The following MEI4 variants were observed in gnomAD, a reference collection of about 807,000 sequenced individuals.
MEI4 encodes the protein meiotic double-stranded break formation protein 4.
Under a neutral mutation model 31.4 loss-of-function variants are expected in MEI4, and 27 were observed. That is an observed-to-expected ratio of 0.86 (90% CI 0.63 to 1.19). The LOEUF is 1.19. MEI4 is among the 50% of genes most tolerant of loss of function. The pLI is 0.00. For synonymous variants in MEI4, 122 were observed against 145.4 expected, an observed-to-expected ratio of 0.84 and a Z score of 1.16; for missense variants, 329 against 398.9, an observed-to-expected ratio of 0.82 and a Z score of 1.49.
chr6:77,906,078 T>C lies in MEI4; in HGVS notation c.901-17011T>C, dbSNP rs201779245. 5.9e-5 allele frequency among the ~76,000 whole-genome samples: 9 copies of C among 152,302 alleles called. No individual in the cohort carries two copies. The East Asian group carries it at 1.7e-3, about 29-fold the overall frequency. ...TGTAAAATTTATCATTTTTTAATTG[T>C]TATCCCGATTTCAATAAACTAATTC... On this transcript the variant is annotated intron_variant, in intron 4 of 4. Transcript: ENST00000684080.
chr6:77,752,604 A>C (rs1358162909), intron 2 of MEI4, among the ~76,000 whole-genome samples: 2 of 152,232 alleles, frequency 1.3e-5, no homozygotes, highest in African/African-American at 4.8e-5. Context: ...TAAGGAAATA[A>C]GAGAAGACAC....
upstream of MEI4, among the ~76,000 whole-genome samples, chr6:77,650,838 A>T (rs1272007170): frequency 1.3e-5 from 2 of 152,174 alleles, no homozygotes; most frequent in African/African-American, 2.4e-5. Context: ...CCAGAGTCTG[A>T]GCATGTTCTA....
rs150076432 is a variant in MEI4, at chr6:77,711,751, C to T, written c.232+20848C>T. ...TTTTTTCTCTTGTAAAGGTAACTAG[C>T]AGAAGTAGACTGTTTCTTCTACTCT... On this transcript the variant is annotated intron_variant, in intron 2 of 4. Coordinates refer to ENST00000684080, the MANE Select transcript of MEI4 (RefSeq NM_001322247.2). 1.4e-3 allele frequency among the ~76,000 whole-genome samples: 211 copies of T among 152,232 alleles called. 1 individual carries two copies. Among genetic ancestry groups the T allele is most frequent in the African/African-American group, 4.5e-3 (185 of 41,542 alleles).
intron 3 of MEI4, among the ~76,000 whole-genome samples, chr6:77,783,503 T>C (rs1768648053): frequency 6.6e-6 from 1 of 152,202 alleles, no homozygotes; most frequent in South Asian, 2.1e-4. Flanking sequence ...ATGTATTTTT[T>C]TTCTTGGCTT....
intron 4 of MEI4, among the ~76,000 whole-genome samples, chr6:77,893,178 T>C (rs897049277): frequency 6.6e-6 from 1 of 152,150 alleles, no homozygotes; most frequent in Non-Finnish European, 1.5e-5. Context: ...TTTGATTATC[T>C]ACTGACTGTT....
intron 4 of MEI4, among the ~76,000 whole-genome samples, chr6:77,916,215 T>C (rs983159904): frequency 6.6e-6 from 1 of 152,076 alleles, no homozygotes; most frequent in Non-Finnish European, 1.5e-5. Flanking sequence ...CTGAGCTTTT[T>C]TTAAAATTGA....
rs188087127 is a variant in MEI4 at position 77,874,879 on chromosome 6, T to G, written c.900+45817T>G. ...TTGAGATAATCATGTGGTTTTTGTC[T>G]TTGGTTCTGTTTATATGCTGGATTA... On this transcript the variant is annotated intron_variant, in intron 4 of 4. Coordinates refer to ENST00000684080, the MANE Select transcript of MEI4 (RefSeq NM_001322247.2). 1.5e-3 allele frequency among the ~76,000 whole-genome samples: 221 copies of G among 152,206 alleles called. 1 individual carries two copies. The highest frequency in any genetic ancestry group is 4.4e-3 in the African/African-American group (184 of 41,566).
chr6:77,826,341 G>A (rs1769951264), intron 3 of MEI4, among the ~76,000 whole-genome samples: 1 of 152,098 alleles, frequency 6.6e-6, no homozygotes, highest in African/African-American at 2.4e-5. Flanking sequence ...TCTACACCCA[G>A]GGTCCCTCCT....
intron 2 of MEI4, among the ~76,000 whole-genome samples, chr6:77,754,085 C>T (rs1436297651): frequency 1.3e-5 from 2 of 151,886 alleles, no homozygotes; most frequent in Non-Finnish European, 2.9e-5. Context: ...GAACATCACA[C>T]ACCATGTCCT....
intron 2 of MEI4, among the ~76,000 whole-genome samples, chr6:77,734,951 T>C (rs1056722813): frequency 6.6e-6 from 1 of 152,014 alleles, no homozygotes; most frequent in African/African-American, 2.4e-5. Flanking sequence ...TTAAGAATGT[T>C]GAATATTGGC....
At chr6:77,907,661 G>A (rs1390374979) in intron 4 of MEI4, among the ~76,000 whole-genome samples, 1 of 152,100 alleles carries the variant, frequency 6.6e-6, no homozygotes, top group Non-Finnish European at 1.5e-5. Flanking sequence ...CCAGTAATGG[G>A]ATGGCTGGGT....
At chr6:77,740,974 A>G (rs1236844425) in intron 2 of MEI4, among the ~76,000 whole-genome samples, 2 of 152,174 alleles carry the variant, frequency 1.3e-5, no homozygotes, top group African/African-American at 4.8e-5. Flanking sequence ...TAATGAGTAC[A>G]GTAATATAAT....
chr6:77,674,433 A>G (rs1022654319), intron 1 of MEI4, among the ~76,000 whole-genome samples: 2 of 152,036 alleles, frequency 1.3e-5, no homozygotes, highest in African/African-American at 4.8e-5. Context: ...TTATAATACC[A>G]TATTTTTACT....
intron 1 of MEI4, among the ~76,000 whole-genome samples, chr6:77,690,391 A>T (rs1040820923): frequency 6.6e-6 from 1 of 152,006 alleles, no homozygotes; most frequent in Admixed American, 6.6e-5. Context: ...ATGAATTAAT[A>T]TGTGTTTTTT....
intron 1 of MEI4, among the ~76,000 whole-genome samples, chr6:77,670,074 T>C (rs1187639047): frequency 6.6e-6 from 1 of 152,198 alleles, no homozygotes; most frequent in African/African-American, 2.4e-5. Flanking sequence ...TTTAATACCT[T>C]CGCAAGACAG....
At position 77,868,332 on chromosome 6, in the gene MEI4, T is replaced by C. The variant is rs1283361877; in HGVS notation, c.900+39270T>C. On this transcript the variant is annotated intron_variant, in intron 4 of 4. Coordinates refer to ENST00000684080, the MANE Select transcript of MEI4 (RefSeq NM_001322247.2). ...GCAAATCTTATACTGATTTTATCAG[T>C]TTCACTCAATGAAAAATTATGCAAG... 4.6e-5 allele frequency among the ~76,000 whole-genome samples: 7 copies of C among 151,222 alleles called. No individual in the cohort carries two copies. In the East Asian group the frequency reaches 1.4e-3, roughly 30 times the overall value.
At chr6:77,842,329 A>T (rs1770384615) in intron 4 of MEI4, among the ~76,000 whole-genome samples, 1 of 152,192 alleles carries the variant, frequency 6.6e-6, no homozygotes. Flanking sequence ...TCAAACATAA[A>T]GTCCCAAGAG....
At chr6:77,884,606 A>G (rs1366676273) in intron 4 of MEI4, among the ~76,000 whole-genome samples, 1 of 152,168 alleles carries the variant, frequency 6.6e-6, no homozygotes, top group Non-Finnish European at 1.5e-5. Flanking sequence ...TTTATTGAAG[A>G]GAGTGTCTTT....
At chr6:77,735,381 A>T (rs1301572836) in intron 2 of MEI4, among the ~76,000 whole-genome samples, 1 of 151,492 alleles carries the variant, frequency 6.6e-6, no homozygotes. Context: ...CATTTCATTC[A>T]TTTCATCTTC....
Sources: gnomAD v4.1 joint callset for allele counts (sites outside exome capture counted in the v4.1 genomes callset) on GRCh38, gnomAD v4.1.1 for gene constraint, MANE v1.5 for transcripts, NCBI Gene and HGNC (gene_info 2026-07-23, HGNC 2026-07-21) for gene names.